The following CNTNAP4 variants were observed in gnomAD, a reference collection of about 807,000 sequenced individuals.
CNTNAP4 encodes the protein contactin-associated protein-like 4.
A neutral mutation model predicts 148.4 loss-of-function variants in CNTNAP4; 98 were observed. The ratio of observed to expected loss-of-function variants is 0.66; its 90% CI spans 0.56 to 0.78. The LOEUF is 0.78. CNTNAP4 is among the 30% of genes least tolerant of loss of function. CNTNAP4 has a pLI of 0.00. For synonymous variants in CNTNAP4, 730 were observed against 565.1 expected, an observed-to-expected ratio of 1.29 and a Z score of -4.14; for missense variants, 1,935 against 1,565.6, an observed-to-expected ratio of 1.24 and a Z score of -3.98.
intron 3 of CNTNAP4, among the ~76,000 whole-genome samples, chr16:76,364,151 C>T (rs534237413): frequency 2.3e-4 from 30 of 132,946 alleles, no homozygotes; most frequent in African/African-American, 8.4e-4. Context: ...GCATGAGAAT[C>T]ACTAGAACCT....
intron 2 of CNTNAP4, among the ~76,000 whole-genome samples, chr16:76,333,688 G>A (rs1963745573): frequency 6.7e-6 from 1 of 149,804 alleles, no homozygotes; most frequent in Non-Finnish European, 1.5e-5. Flanking sequence ...CCGAAAACTA[G>A]ACATTTTGAA....
chr16:76,314,787 C>G (rs1051301703), intron 1 of CNTNAP4, among the ~76,000 whole-genome samples: 10 of 152,144 alleles, frequency 6.6e-5, no homozygotes, highest in African/African-American at 2.2e-4. Context: ...GTTCTAACAC[C>G]TCTGAGACCA....
chr16:76,547,992 C>T (rs1265479176), intron 21 of CNTNAP4, among the ~76,000 whole-genome samples: 3 of 152,308 alleles, frequency 2.0e-5, no homozygotes, highest in Non-Finnish European at 4.4e-5. Flanking sequence ...TGTAAAATGA[C>T]ACTTAAAATG....
In CNTNAP4 at chr16:76,496,085, T is replaced by TTG. The variant is rs5817999; in HGVS notation, c.2237+1040_2237+1041dup. Among the ~76,000 whole-genome samples the TTG allele has an allele frequency of 2.5e-3, 351 of 140,158 alleles. 4 individuals carry two copies. The South Asian group carries it at 0.033, about 13-fold the overall frequency. 91.9% of individuals were successfully genotyped at this position (140,158 alleles called of 152,430 possible). On this transcript the variant is annotated intron_variant, in intron 14 of 23. Transcript: ENST00000611870. ...TTATATCATAAACATCAAGATTATG[T>TTG]TGTGTGTGTGTGTGTGTGTGTGCGT...
At chr16:76,432,093 G>A (rs1046861210) in intron 4 of CNTNAP4, among the ~76,000 whole-genome samples, 1 of 152,158 alleles carries the variant, frequency 6.6e-6, no homozygotes, top group South Asian at 2.1e-4. Flanking sequence ...ATGTTTGATC[G>A]ACTACTCATG....
intron 2 of CNTNAP4, among the ~76,000 whole-genome samples, chr16:76,320,672 A>T (rs116506900): frequency 2.0e-5 from 3 of 152,186 alleles, no homozygotes; most frequent in Non-Finnish European, 2.9e-5. Flanking sequence ...AGTGTTGTCA[A>T]TGTAGAGTTC....
At chr16:76,321,197 A>T (rs2144139845) in intron 2 of CNTNAP4, among the ~76,000 whole-genome samples, 1 of 152,332 alleles carries the variant, frequency 6.6e-6, no homozygotes, top group African/African-American at 2.4e-5. Context: ...TTTGATATTA[A>T]AATCAAGCAC....
At chr16:76,418,759 T>G (rs183200058) in intron 3 of CNTNAP4, among the ~76,000 whole-genome samples, 51 of 151,838 alleles carry the variant, frequency 3.4e-4, no homozygotes, top group African/African-American at 1.2e-3. Context: ...TTGCCATTCC[T>G]TGTAATATTT....
intron 1 of CNTNAP4, among the ~76,000 whole-genome samples, chr16:76,287,442 G>A (rs370667364): frequency 5.3e-5 from 8 of 152,278 alleles, no homozygotes; most frequent in African/African-American, 1.9e-4. Flanking sequence ...GCTTTGCTAT[G>A]TGCTTGCCTG....
At chr16:76,393,912 A>T (rs530130290) in intron 3 of CNTNAP4, among the ~76,000 whole-genome samples, 1 of 152,268 alleles carries the variant, frequency 6.6e-6, no homozygotes, top group Non-Finnish European at 1.5e-5. Flanking sequence ...TAGTCAACAC[A>T]ATTGCTTTAT....
In CNTNAP4 at chr16:76,427,468, C is replaced by G. The variant is rs754890371; in HGVS notation, c.407C>G (p.Ala136Gly). ...EDSIWGFSGN[A>G]NADSVVYYRL... is the part of the protein sequence containing the mutation. Reference sequence around the variant, plus strand: ...TTCTTTTAGGGTTTTTCAGGAAATGCAAATGCAGACAGTGTTGTGTACTAT... The same window carrying G: ...TTCTTTTAGGGTTTTTCAGGAAATGGAAATGCAGACAGTGTTGTGTACTAT... Residue 136 changes from alanine (A) to glycine (G), a missense_variant, in exon 4 of 24, where the codon GCA (alanine) becomes GGA (glycine). Ala to Gly is a moderately conservative substitution (Grantham distance 60). Coordinates refer to ENST00000611870, the MANE Select transcript of CNTNAP4 (RefSeq NM_033401.5). 16 of 1,603,906 alleles carry G rather than the reference C, an allele frequency of 1.0e-5. No individual in the cohort carries two copies. The South Asian group carries it at 1.8e-4, about 18-fold the overall frequency.
chr16:76,349,799 T>A (rs1482084082), intron 2 of CNTNAP4, among the ~76,000 whole-genome samples: 1 of 152,116 alleles, frequency 6.6e-6, no homozygotes. Context: ...TGTGTCCTTT[T>A]ACACTTTAAA....
intron 3 of CNTNAP4, among the ~76,000 whole-genome samples, chr16:76,387,719 A>G (rs549447081): frequency 2.4e-4 from 36 of 152,334 alleles, no homozygotes; most frequent in African/African-American, 8.4e-4. Context: ...TGGACAAAAT[A>G]TTAATTGCAT....
chr16:76,533,645 A>G (rs2084085007), intron 17 of CNTNAP4, among the ~76,000 whole-genome samples: 1 of 150,946 alleles, frequency 6.6e-6, no homozygotes, highest in Non-Finnish European at 1.5e-5. Flanking sequence ...AAAGGAATAA[A>G]CAACTCAATT....
chr16:76,393,851 G>C (rs371078576), intron 3 of CNTNAP4, among the ~76,000 whole-genome samples: 6 of 152,196 alleles, frequency 3.9e-5, no homozygotes, highest in Non-Finnish European at 8.8e-5. Context: ...CTACCAAGAA[G>C]CTATAAAATA....
At chr16:76,407,962 ACCACCAC>A in intron 3 of CNTNAP4, among the ~76,000 whole-genome samples, 1 of 152,224 alleles carries the variant, frequency 6.6e-6, no homozygotes, top group East Asian at 1.9e-4. Flanking sequence ...ACCTTCAGCA[ACCACCAC>A]CCTGATCAGT....
chr16:76,491,267 G>C (rs12443761), intron 13 of CNTNAP4, among the ~76,000 whole-genome samples: 1 of 152,022 alleles, frequency 6.6e-6, no homozygotes, highest in Non-Finnish European at 1.5e-5. Context: ...TGCAAATGAG[G>C]ATCAGACAGT....
At chr16:76,397,548 A>G (rs923461042) in intron 3 of CNTNAP4, among the ~76,000 whole-genome samples, 1 of 151,940 alleles carries the variant, frequency 6.6e-6, no homozygotes, top group African/African-American at 2.4e-5. Context: ...ATTATTATGC[A>G]TTTCTAGGAA....
intron 15 of CNTNAP4, among the ~76,000 whole-genome samples, chr16:76,500,599 CTTT>C (rs5818000): frequency 6.7e-6 from 1 of 148,514 alleles, no homozygotes; most frequent in East Asian, 2.0e-4. Context: ...CTGTAAATCT[CTTT>C]TTTTTTTTCC....
Sources: allele counts gnomAD v4.1 joint callset (sites outside exome capture counted in the v4.1 genomes callset), GRCh38; gene constraint gnomAD v4.1.1; transcripts MANE v1.5; gene names NCBI Gene and HGNC (gene_info 2026-07-23, HGNC 2026-07-21).